Variants in FRMD4B observed in about 807,000 individuals in gnomAD.
FRMD4B encodes the protein FERM domain-containing protein 4B.
FRMD4B carries 74 observed loss-of-function variants against 141.5 expected under a neutral mutation model. The ratio of observed to expected loss-of-function variants is 0.52; its 90% CI spans 0.43 to 0.63. The LOEUF (loss-of-function observed/expected upper bound fraction) is 0.63, where lower values mean the gene tolerates loss of function less well. Among genes scored for constraint, FRMD4B ranks in the 30% least tolerant of loss-of-function variants. FRMD4B has a pLI of 0.00. For synonymous variants in FRMD4B, 506 were observed against 467.9 expected (o/e 1.08, Z -1.05); for missense variants, 1,366 against 1,253.4 (o/e 1.09, Z -1.36).
chr3:69,448,559 T>C (rs1705445016), intron 1 of FRMD4B, among the ~76,000 whole-genome samples: 1 of 152,230 alleles, frequency 6.6e-6, no homozygotes, highest in Admixed American at 6.5e-5. Flanking sequence ...TTAGCCATTT[T>C]AATAGCTATG....
At chr3:69,306,372 G>T (rs1287211580) in intron 3 of FRMD4B, 1 of 152,210 alleles carries the variant, frequency 6.6e-6, no homozygotes, top group African/African-American at 2.4e-5. Context: ...CATTGGAAGG[G>T]ACAGTGATCA....
At chr3:69,334,562 T>C (rs1417895994) in intron 1 of FRMD4B, 1 of 152,130 alleles carries the variant, frequency 6.6e-6, no homozygotes, top group African/African-American at 2.4e-5. Flanking sequence ...TTCTTTGCTG[T>C]GCCTTTTGGA....
intron 1 of FRMD4B, among the ~76,000 whole-genome samples, chr3:69,519,468 G>C (rs906059748): frequency 1.3e-5 from 2 of 152,114 alleles, no homozygotes; most frequent in Admixed American, 6.6e-5. Context: ...CCCCCTGTTG[G>C]AAAGCAGTCA....
chr3:69,218,131 C>A (rs1186727094), intron 10 of FRMD4B, among the ~76,000 whole-genome samples, 191 bp downstream of exon 10: 1 of 152,122 alleles, frequency 6.6e-6, no homozygotes, highest in African/African-American at 2.4e-5. Context: ...AGAGAATGAT[C>A]TGAACATTTT....
upstream of FRMD4B, among the ~76,000 whole-genome samples, chr3:69,389,444 T>C (rs142178878): frequency 9.0e-4 from 137 of 152,342 alleles, no homozygotes; most frequent in African/African-American, 2.5e-3. Flanking sequence ...AGGTGAAAGT[T>C]TGTGGCAACT....
At chr3:69,454,277 C>T (rs1461611086) in intron 1 of FRMD4B, among the ~76,000 whole-genome samples, 8 of 152,376 alleles carry the variant, frequency 5.3e-5, no homozygotes, top group Admixed American at 1.3e-4. Flanking sequence ...GAGGTGACAG[C>T]GTGCTGGCAG....
At chr3:69,337,438 A>G (rs1702594261) in intron 1 of FRMD4B, among the ~76,000 whole-genome samples, 1 of 152,228 alleles carries the variant, frequency 6.6e-6, no homozygotes, top group African/African-American at 2.4e-5. Flanking sequence ...ATGGCAACAA[A>G]AGCCAAAATT....
intron 5 of FRMD4B, among the ~76,000 whole-genome samples, chr3:69,268,364 C>A (rs1299311468): frequency 3.3e-5 from 5 of 152,102 alleles, no homozygotes; most frequent in African/African-American, 1.2e-4. Context: ...GCACCCACAT[C>A]TGATACATAT....
At chr3:69,296,471 C>T (rs113195518) in intron 4 of FRMD4B, among the ~76,000 whole-genome samples, 6,381 of 152,192 alleles carry the variant, frequency 0.042, 182 homozygotes, top group Middle Eastern at 0.11. Flanking sequence ...GGCCATTAAA[C>T]GCCTGCCTGG....
At chr3:69,327,317 T>C (rs1702219141) in intron 1 of FRMD4B, among the ~76,000 whole-genome samples, 1 of 152,218 alleles carries the variant, frequency 6.6e-6, no homozygotes, top group South Asian at 2.1e-4. Context: ...TGAAGAGATA[T>C]TGAAAATAAA....
intron 1 of FRMD4B, among the ~76,000 whole-genome samples, chr3:69,472,695 G>A (rs1705912372): frequency 6.6e-6 from 1 of 152,062 alleles, no homozygotes. Flanking sequence ...TGAGGTTGGA[G>A]CGAAAGTTTA....
intron 1 of FRMD4B, among the ~76,000 whole-genome samples, chr3:69,381,995 C>G (rs1012808848): frequency 3.9e-5 from 6 of 151,996 alleles, no homozygotes; most frequent in East Asian, 1.9e-4. Flanking sequence ...GCTTAAGGAG[C>G]CTTTTTAGAT....
At chr3:69,262,752 G>A (rs887963658) in intron 5 of FRMD4B, among the ~76,000 whole-genome samples, 24 of 151,500 alleles carry the variant, frequency 1.6e-4, no homozygotes, top group African/African-American at 3.4e-4. Context: ...GAGCCACCGC[G>A]CCCGGTCCAC....
chr3:69,321,111 C>G (rs1469581010), intron 1 of FRMD4B: 1 of 152,352 alleles, frequency 6.6e-6, no homozygotes, highest in African/African-American at 2.4e-5. Flanking sequence ...AACACACTCC[C>G]CCACCCTGGC....
At chr3:69,178,543 G>A (rs1215921201) in intron 21 of FRMD4B, among the ~76,000 whole-genome samples, 1 of 152,028 alleles carries the variant, frequency 6.6e-6, no homozygotes, top group Non-Finnish European at 1.5e-5. Flanking sequence ...ATGGTGGTGT[G>A]TACTTGTAGT....
intron 1 of FRMD4B, among the ~76,000 whole-genome samples, chr3:69,348,242 A>T (rs990832606): frequency 6.6e-6 from 1 of 152,236 alleles, no homozygotes; most frequent in Non-Finnish European, 1.5e-5. Flanking sequence ...GAAGAAATGG[A>T]TAAGTTCCTC....
intron 2 of FRMD4B, among the ~76,000 whole-genome samples, chr3:69,402,290 T>C (rs1704576254): frequency 6.6e-6 from 1 of 152,230 alleles, no homozygotes; most frequent in African/African-American, 2.4e-5. Context: ...TGAGCCATCT[T>C]GTTGCCACAA....
Position 69,348,757 on chromosome 3 carries a change from A to T in FRMD4B, c.163-35240T>A, listed in dbSNP as rs553952643. Among the ~76,000 whole-genome samples the T allele has an allele frequency of 9.8e-5, 15 of 152,360 alleles. 1 individual carries two copies. In the East Asian group the frequency reaches 2.9e-3, roughly 29 times the overall value. Reference sequence around the variant, plus strand: ...ACCACATGCTTATCTCAATAGATGCAGAAAACGCCTTTGACAAAATTCAAC... The same window carrying T: ...ACCACATGCTTATCTCAATAGATGCTGAAAACGCCTTTGACAAAATTCAAC... On this transcript the variant is annotated intron_variant, in intron 1 of 22. Transcript: ENST00000398540.
upstream of FRMD4B, among the ~76,000 whole-genome samples, chr3:69,388,164 C>A (rs1704306299): frequency 6.6e-6 from 1 of 151,984 alleles, no homozygotes; most frequent in Non-Finnish European, 1.5e-5. Context: ...ATAAAACCTA[C>A]AACAGGTCAA....
Sources: allele counts gnomAD v4.1 joint callset (sites outside exome capture counted in the v4.1 genomes callset), GRCh38; gene constraint gnomAD v4.1.1; transcripts MANE v1.5; gene names NCBI Gene and HGNC (gene_info 2026-07-23, HGNC 2026-07-21).